The following RARB variants were observed in gnomAD, a reference collection of about 807,000 sequenced individuals.
RARB encodes the protein retinoic acid receptor beta, also known as HBV-activated protein.
In RARB, 17 loss-of-function variants were observed where a neutral mutation model predicts 51.9. The ratio of observed to expected loss-of-function variants is 0.33; its 90% CI spans 0.22 to 0.49. RARB has a LOEUF of 0.49. RARB is among the 20% of genes least tolerant of loss of function. RARB has a pLI of 0.99. For synonymous variants in RARB, 215 were observed against 195.4 expected (o/e 1.10, Z -0.84); for missense variants, 369 against 550.8 (o/e 0.67, Z 3.30).
intron 3 of RARB, among the ~76,000 whole-genome samples, chr3:25,118,951 T>C (rs1417907307): frequency 6.6e-6 from 1 of 152,102 alleles, no homozygotes; most frequent in African/African-American, 2.4e-5. Flanking sequence ...TATCAGTAAA[T>C]AGAGTATCCA....
At chr3:25,443,581 C>G (rs1015860718) in intron 1 of RARB, among the ~76,000 whole-genome samples, 19 of 150,946 alleles carry the variant, frequency 1.3e-4, no homozygotes, top group African/African-American at 4.4e-4. Flanking sequence ...CCATCGTTCT[C>G]TAGCCTGGGC....
intron 6 of RARB, 23 bp from the exon 7 acceptor site, chr3:25,594,497 A>G: frequency 6.3e-7 from 1 of 1,579,214 alleles, no homozygotes; most frequent in African/African-American, 1.4e-5. Flanking sequence ...GATTTTGTTT[A>G]ATACTTTATT....
intron 2 of RARB, among the ~76,000 whole-genome samples, chr3:24,879,323 G>C (rs906198947): frequency 6.6e-6 from 1 of 152,002 alleles, no homozygotes; most frequent in Non-Finnish European, 1.5e-5. Flanking sequence ...CAGCTACTCG[G>C]GAGGCTGAGG....
At chr3:25,500,688 A>AG (rs1323772561) in intron 2 of RARB, among the ~76,000 whole-genome samples, 6 of 151,980 alleles carry the variant, frequency 3.9e-5, no homozygotes, top group Non-Finnish European at 7.4e-5. Context: ...CATGTTAGCC[A>AG]GGCTGGTCTC....
At chr3:25,225,156 ATTAT>A (rs1174253368) in intron 5 of RARB, among the ~76,000 whole-genome samples, 1 of 152,166 alleles carries the variant, frequency 6.6e-6, no homozygotes, top group Non-Finnish European at 1.5e-5. Context: ...TAATTCAAAA[ATTAT>A]TTATAAGATG....
At chr3:25,037,503 A>G (rs1249034132) in intron 2 of RARB, among the ~76,000 whole-genome samples, 1 of 152,096 alleles carries the variant, frequency 6.6e-6, no homozygotes. Context: ...CACAGAAACT[A>G]AGTAATTTTT....
intron 2 of RARB, among the ~76,000 whole-genome samples, chr3:25,015,704 A>T (rs1419546929): frequency 6.6e-6 from 1 of 152,130 alleles, no homozygotes; most frequent in Non-Finnish European, 1.5e-5. Context: ...TTCCAAGGAG[A>T]GAGGCTATTC....
intron 5 of RARB, among the ~76,000 whole-genome samples, chr3:25,225,198 C>T (rs1448343633): frequency 6.6e-6 from 1 of 152,034 alleles, no homozygotes. Flanking sequence ...TGCTCTATAA[C>T]ACAGGAATAA....
chr3:25,294,275 T>C (rs1703863211), intron 5 of RARB, among the ~76,000 whole-genome samples: 1 of 152,162 alleles, frequency 6.6e-6, no homozygotes, highest in Admixed American at 6.5e-5. Context: ...CATATTCTAG[T>C]AGGAAAAGTC....
At chr3:25,312,193 TGGAAA>T (rs1282035329) in intron 5 of RARB, among the ~76,000 whole-genome samples, 1 of 152,068 alleles carries the variant, frequency 6.6e-6, no homozygotes, top group East Asian at 1.9e-4. Context: ...TTTCTATAAA[TGGAAA>T]GGAGGAATTT....
intron 2 of RARB, among the ~76,000 whole-genome samples, chr3:25,017,907 T>C (rs932653996): frequency 6.6e-6 from 1 of 152,110 alleles, no homozygotes; most frequent in African/African-American, 2.4e-5. Flanking sequence ...ACAGAACCCT[T>C]GTGAATAGGA....
intron 5 of RARB, among the ~76,000 whole-genome samples, chr3:25,389,195 C>T (rs540169102): frequency 1.3e-5 from 2 of 152,234 alleles, no homozygotes; most frequent in South Asian, 2.1e-4. Context: ...ATTCCAAGTA[C>T]CAGAGTTGAT....
At chr3:25,293,175 G>A (rs1434377953) in intron 5 of RARB, among the ~76,000 whole-genome samples, 2 of 152,032 alleles carry the variant, frequency 1.3e-5, no homozygotes, top group Non-Finnish European at 1.5e-5. Context: ...ATTCTGATAC[G>A]TTACGGAGAA....
chr3:25,244,661 A>C (rs1702513169), intron 5 of RARB, among the ~76,000 whole-genome samples: 1 of 152,174 alleles, frequency 6.6e-6, no homozygotes. Flanking sequence ...ATTTGATTAC[A>C]CTGTGGTCTG....
chr3:25,210,326 G>A (rs1575222704), intron 5 of RARB, among the ~76,000 whole-genome samples: 1 of 151,896 alleles, frequency 6.6e-6, no homozygotes, highest in Non-Finnish European at 1.5e-5. Context: ...TATAGGTTAG[G>A]AGTATCATCT....
At chr3:25,368,655 C>T (rs760168456) in intron 5 of RARB, among the ~76,000 whole-genome samples, 2 of 152,182 alleles carry the variant, frequency 1.3e-5, no homozygotes, top group African/African-American at 2.4e-5. Context: ...ACTGCTGACA[C>T]ACAGTTCTAG....
intron 2 of RARB, among the ~76,000 whole-genome samples, chr3:25,049,073 T>C (rs1248307860): frequency 6.6e-6 from 1 of 152,190 alleles, no homozygotes; most frequent in Non-Finnish European, 1.5e-5. Flanking sequence ...TTTAATTTTA[T>C]TTCAGTAAAT....
chr3:25,290,232 A>G (rs899668828), intron 5 of RARB, among the ~76,000 whole-genome samples: 1 of 152,208 alleles, frequency 6.6e-6, no homozygotes, highest in Non-Finnish European at 1.5e-5. Context: ...TATGGTCTTT[A>G]AAGAAGCAAT....
intron 5 of RARB, among the ~76,000 whole-genome samples, chr3:25,214,890 T>C (rs1026525660): frequency 4.6e-5 from 7 of 152,178 alleles, no homozygotes; most frequent in African/African-American, 1.7e-4. Context: ...ATCCACTTTC[T>C]CCATTCTTAC....
Sources: gnomAD v4.1 joint callset for allele counts (sites outside exome capture counted in the v4.1 genomes callset) on GRCh38, gnomAD v4.1.1 for gene constraint, MANE v1.5 for transcripts, NCBI Gene and HGNC (gene_info 2026-07-23, HGNC 2026-07-21) for gene names.